SH3BGR: variants seen among roughly 807,000 people sequenced by gnomAD.
SH3BGR encodes the protein SH3 domain binding glutamate rich protein.
A neutral mutation model predicts 24.5 loss-of-function variants in SH3BGR; 29 were observed. The ratio of observed to expected loss-of-function variants is 1.18; its 90% CI spans 0.88 to 1.61. SH3BGR has a LOEUF of 1.61. SH3BGR is among the 40% of genes most tolerant of loss of function. The pLI is 0.00. For synonymous variants in SH3BGR, 55 were observed against 65.7 expected (o/e 0.84, Z 0.79); for missense variants, 162 against 205.8 (o/e 0.79, Z 1.30).
At chr21:39,465,665 A>G (rs2077829612) in intron 2 of SH3BGR, among the ~76,000 whole-genome samples, 1 of 151,980 alleles carries the variant, frequency 6.6e-6, no homozygotes, top group South Asian at 2.1e-4. Context: ...ATCATAGCTC[A>G]CTGCAGCCTC....
intron 3 of SH3BGR, among the ~76,000 whole-genome samples, chr21:39,486,738 T>C (rs1374360265): frequency 1.3e-5 from 2 of 152,204 alleles, no homozygotes; most frequent in East Asian, 3.8e-4. Flanking sequence ...TTTTATTTTT[T>C]GAGATGGAGT....
intron 3 of SH3BGR, among the ~76,000 whole-genome samples, chr21:39,479,730 G>A (rs773990108): frequency 2.0e-5 from 3 of 152,122 alleles, no homozygotes; most frequent in Non-Finnish European, 4.4e-5. Flanking sequence ...TGCCGTCCAG[G>A]GATGAGGAGG....
upstream of SH3BGR, chr21:39,451,934 AGAGCCTCTTAAGTTGGAGCGGGACTGCCG>A (rs1332062896): frequency 6.2e-7 from 1 of 1,614,118 alleles, no homozygotes; most frequent in South Asian, 1.1e-5. Flanking sequence ...TTGGAGAGAC[AGAGCCTCTTAAGTTGGAGCGGGACTGCCG>A]GAGCCCAGTG....
chr21:39,502,922 C>T (rs1484184605), intron 4 of SH3BGR, among the ~76,000 whole-genome samples: 1 of 152,180 alleles, frequency 6.6e-6, no homozygotes, highest in Non-Finnish European at 1.5e-5. Context: ...TGGGCAGTAC[C>T]CCTCCTGGAA....
chr21:39,459,894 C>T (rs569979313), intron 1 of SH3BGR, among the ~76,000 whole-genome samples: 1 of 152,174 alleles, frequency 6.6e-6, no homozygotes, highest in South Asian at 2.1e-4. Flanking sequence ...TAAGTTTCTC[C>T]CTGTGGTTAT....
chr21:39,475,149 C>A lies in SH3BGR; in HGVS notation c.246C>A (p.Phe82Leu). 1 of 1,608,164 alleles carries A rather than the reference C, an allele frequency of 6.2e-7. No homozygotes were observed. Among genetic ancestry groups the A allele is most frequent in the Non-Finnish European group, 8.5e-7 (1 of 1,175,182 alleles). ...TTTGCTTCAAGGATTTTGACTCTTT[C>A]TTCTCTGCAAAAGAAGAGAATATTA... ...EEQYCGDFDS[F>L]FSAKEENIIY... Residue 82 changes from phenylalanine (F) to leucine (L), a missense_variant, in exon 3 of 7, where the codon TTC becomes TTA. Transcript: ENST00000333634.
chr21:39,459,279 C>A (rs1426720965), intron 1 of SH3BGR, among the ~76,000 whole-genome samples: 1 of 151,208 alleles, frequency 6.6e-6, no homozygotes, highest in African/African-American at 2.4e-5. Flanking sequence ...GGCTGGAGTG[C>A]AGTGGCACGA....
At chr21:39,493,198 A>G (rs945943260) in intron 3 of SH3BGR, among the ~76,000 whole-genome samples, 2 of 152,158 alleles carry the variant, frequency 1.3e-5, no homozygotes, top group African/African-American at 4.8e-5. Flanking sequence ...TGCCTAAGTC[A>G]ATGTCTACAA....
chr21:39,473,914 AG>A (rs1236913104), intron 2 of SH3BGR, among the ~76,000 whole-genome samples: 1 of 151,778 alleles, frequency 6.6e-6, no homozygotes, highest in Non-Finnish European at 1.5e-5. Context: ...AGTAACACAC[AG>A]GAATACATAA....
At chr21:39,445,918 C>G (rs900299192), upstream of SH3BGR, 1 of 152,362 alleles carries the variant, frequency 6.6e-6, no homozygotes, top group Non-Finnish European at 1.5e-5. Flanking sequence ...CGTTTGTCTT[C>G]GGTGACGGGA....
upstream of SH3BGR, among the ~76,000 whole-genome samples, chr21:39,448,091 GTTC>G (rs941135709): frequency 6.6e-6 from 1 of 152,088 alleles, no homozygotes; most frequent in Non-Finnish European, 1.5e-5. Flanking sequence ...TTCACAGGGT[GTTC>G]TTCTCTGTGT....
At chr21:39,457,490 C>G (rs1274294576) in intron 1 of SH3BGR, among the ~76,000 whole-genome samples, 1 of 139,988 alleles carries the variant, frequency 7.1e-6, no homozygotes, top group East Asian at 2.1e-4. Context: ...ATATATAAAT[C>G]TTATATATAT....
chr21:39,478,561 G>A (rs75733252), intron 3 of SH3BGR, among the ~76,000 whole-genome samples: 245 of 152,310 alleles, frequency 1.6e-3, no homozygotes, highest in African/African-American at 5.7e-3. Context: ...AAGGTCATGT[G>A]CCTTGGCTCT....
chr21:39,472,181 TG>T (rs1204595651), intron 2 of SH3BGR, among the ~76,000 whole-genome samples: 4 of 152,300 alleles, frequency 2.6e-5, no homozygotes, highest in Middle Eastern at 3.4e-3. Flanking sequence ...TACCACAGAC[TG>T]GGTAGTTTAT....
rs1296364692 is a variant in SH3BGR, at chr21:39,511,495, G to GTGTGTGGCATGTGTT, written c.436-170_436-156dup. On this transcript the variant is annotated intron_variant, in intron 5 of 6. Coordinates refer to ENST00000333634, the MANE Select transcript of SH3BGR (RefSeq NM_007341.3). The surrounding 1 kb of genome is among the most constrained non-coding windows in gnomAD (Gnocchi z 4.2). ...TTTGGGCGGTATGTGTGTGGGGTGTGTGTGTGGCATGTGTTTGTGTGGCAT... is the reference window on the plus strand; with the variant it reads ...TTTGGGCGGTATGTGTGTGGGGTGTGTGTGTGGCATGTGTTTGTGTGGCATGTGTTTGTGTGGCAT... 1.3e-5 allele frequency among the ~76,000 whole-genome samples: 2 copies of GTGTGTGGCATGTGTT among 150,162 alleles called. No homozygotes were observed. Among genetic ancestry groups the GTGTGTGGCATGTGTT allele is most frequent in the Admixed American group, 6.6e-5 (1 of 15,060 alleles).
chr21:39,503,730 G>A (rs1602167373), intron 4 of SH3BGR, among the ~76,000 whole-genome samples: 1 of 152,284 alleles, frequency 6.6e-6, no homozygotes, highest in South Asian at 2.1e-4. Context: ...GACTTCCCCT[G>A]ACCACCTCCT....
At position 39,509,297 on chromosome 21, in the gene SH3BGR, TCAGGC is replaced by T. The variant is rs1244100448; in HGVS notation, c.435+285_435+289del. On this transcript the variant is annotated intron_variant, in intron 5 of 6. Transcript: ENST00000333634. ...TGTCTTCCGTGGTTTCTCACTGACA[TCAGGC>T]CAGGCCAGGCCAGGGCACTGGCTGG... Among the ~76,000 whole-genome samples, 3 of 152,202 alleles carry T rather than the reference TCAGGC, an allele frequency of 2.0e-5. No homozygotes were observed. The South Asian group carries it at 6.2e-4, about 32-fold the overall frequency.
chr21:39,489,857 A>G (rs1194532194), intron 3 of SH3BGR, among the ~76,000 whole-genome samples: 1 of 152,232 alleles, frequency 6.6e-6, no homozygotes, highest in Non-Finnish European at 1.5e-5. Flanking sequence ...AAAACATTGA[A>G]TAATAGTGAA....
intron 2 of SH3BGR, among the ~76,000 whole-genome samples, chr21:39,470,000 T>C (rs2077910674): frequency 6.6e-6 from 1 of 152,162 alleles, no homozygotes; most frequent in African/African-American, 2.4e-5. Context: ...AAGATATTTA[T>C]ACCTTTCTTT....
Sources: gnomAD v4.1 joint callset for allele counts (sites outside exome capture counted in the v4.1 genomes callset) on GRCh38, gnomAD v4.1.1 for gene constraint, Gnocchi (gnomAD v3.1) non-coding constraint, MANE v1.5 for transcripts, NCBI Gene and HGNC (gene_info 2026-07-23, HGNC 2026-07-21) for gene names.